The following AFF3 variants were observed in gnomAD, a reference collection of about 807,000 sequenced individuals.
AFF3 encodes ALF transcription elongation factor 3.
A neutral mutation model predicts 129.7 loss-of-function variants in AFF3; 32 were observed. The observed-to-expected ratio is 0.25, with a 90% CI of 0.19 to 0.33. AFF3 has a LOEUF of 0.33. Among genes scored for constraint, AFF3 ranks in the 10% least tolerant of loss-of-function variants. The pLI is 1.00. For missense variants in AFF3, 1,373 were observed against 1,592.0 expected, an observed-to-expected ratio of 0.86 and a Z score of 2.34; for synonymous variants, 644 against 635.4, an observed-to-expected ratio of 1.01 and a Z score of -0.20.
intron 7 of AFF3, among the ~76,000 whole-genome samples, chr2:99,975,664 T>G (rs879317381): frequency 6.6e-6 from 1 of 151,736 alleles, no homozygotes; most frequent in African/African-American, 2.4e-5. Context: ...GCTCAGCAGC[T>G]GAGATGGGGT....
At chr2:99,707,057 A>G (rs947940353) in intron 11 of AFF3, 1 of 972,352 alleles carries the variant, frequency 1.0e-6, no homozygotes, top group Non-Finnish European at 1.2e-6. Context: ...TAATCATCCT[A>G]CTTTTGAAAT....
chr2:99,704,601 C>T (rs935878491), intron 11 of AFF3, among the ~76,000 whole-genome samples: 1 of 152,114 alleles, frequency 6.6e-6, no homozygotes, highest in African/African-American at 2.4e-5. Context: ...ATAGCAGTGC[C>T]GTGAAAACTA....
At chr2:100,104,799 G>GCCGCCGCCA in intron 3 of AFF3, 1 of 234,908 alleles carries the variant, frequency 4.3e-6, no homozygotes, top group Non-Finnish European at 5.5e-6. Flanking sequence ...CGCTGCTGCA[G>GCCGCCGCCA]CCGCCGCCGC....
chr2:99,764,270 T>A (rs184983621), intron 8 of AFF3, among the ~76,000 whole-genome samples: 11 of 152,216 alleles, frequency 7.2e-5, no homozygotes, highest in Non-Finnish European at 1.6e-4. Context: ...AGACCCTACC[T>A]TTCACCTCCT....
At chr2:99,762,678 A>C (rs1682714922) in intron 8 of AFF3, among the ~76,000 whole-genome samples, 1 of 152,216 alleles carries the variant, frequency 6.6e-6, no homozygotes, top group Non-Finnish European at 1.5e-5. Context: ...CACTGGTTTC[A>C]CCAAGCGTAT....
chr2:99,671,993 G>T (rs1687181364), intron 12 of AFF3, among the ~76,000 whole-genome samples: 1 of 152,114 alleles, frequency 6.6e-6, no homozygotes, highest in African/African-American at 2.4e-5. Context: ...TATCATTTAA[G>T]ACAAACAGCC....
At chr2:99,900,954 C>T (rs372367842) in intron 7 of AFF3, among the ~76,000 whole-genome samples, 3 of 152,182 alleles carry the variant, frequency 2.0e-5, no homozygotes, top group Non-Finnish European at 4.4e-5. Context: ...CCTAAAGAGC[C>T]GCAAGTGCAG....
intron 2 of AFF3, among the ~76,000 whole-genome samples, chr2:100,117,366 T>A (rs566226835): frequency 7.9e-5 from 12 of 152,230 alleles, no homozygotes; most frequent in African/African-American, 2.2e-4. Flanking sequence ...TTTATTCTAA[T>A]GTGTCTTCCA....
At chr2:99,791,514 C>T (rs145777152) in intron 8 of AFF3, among the ~76,000 whole-genome samples, 92 of 152,300 alleles carry the variant, frequency 6.0e-4, no homozygotes, top group African/African-American at 2.0e-3. Context: ...TTTTGATCTG[C>T]GGTTCATTTA....
At chr2:99,641,783 G>A (rs901507122) in intron 13 of AFF3, among the ~76,000 whole-genome samples, 8 of 152,100 alleles carry the variant, frequency 5.3e-5, no homozygotes, top group Admixed American at 5.2e-4. Context: ...CAAGAGAGTC[G>A]TCGCGAGGAC....
intron 12 of AFF3, among the ~76,000 whole-genome samples, chr2:99,664,305 T>C (rs1181520359): frequency 6.6e-6 from 1 of 152,254 alleles, no homozygotes; most frequent in Non-Finnish European, 1.5e-5. Context: ...ATTTCATTTA[T>C]GTTTGTAAAC....
At chr2:99,889,397 A>G (rs781240976) in intron 7 of AFF3, among the ~76,000 whole-genome samples, 14 of 152,230 alleles carry the variant, frequency 9.2e-5, no homozygotes, top group Non-Finnish European at 1.9e-4. Flanking sequence ...CATTTGAAAT[A>G]TATTTATTAG....
At chr2:100,053,035 A>G (rs888267503) in intron 4 of AFF3, among the ~76,000 whole-genome samples, 1 of 152,228 alleles carries the variant, frequency 6.6e-6, no homozygotes, top group Non-Finnish European at 1.5e-5. Context: ...ATTGATCCTG[A>G]GAGTTTACTC....
intron 4 of AFF3, among the ~76,000 whole-genome samples, chr2:100,031,450 A>T (rs1684484724): frequency 6.6e-6 from 1 of 152,300 alleles, no homozygotes; most frequent in Middle Eastern, 3.4e-3. Flanking sequence ...ATACATACAC[A>T]CAGAGAGATT....
At chr2:99,837,847 G>C (rs1204933899) in intron 7 of AFF3, among the ~76,000 whole-genome samples, 1 of 152,094 alleles carries the variant, frequency 6.6e-6, no homozygotes, top group East Asian at 1.9e-4. Flanking sequence ...CATCCACCTT[G>C]GGTGCCATTA....
In AFF3 at chr2:99,995,921, A is replaced by G. The variant is rs537384366; in HGVS notation, c.873+10711T>C. On this transcript the variant is annotated intron_variant, in intron 7 of 24. Coordinates refer to ENST00000672756, the MANE Select transcript of AFF3 (RefSeq NM_001386135.1). ...AACAGAAAAATGGGTAAAGGATATG[A>G]ACAAAAAATGCACAAAGGTTTATAT... is the stretch of plus-strand genomic sequence containing the variant. Among the ~76,000 whole-genome samples, 13 of 152,350 alleles carry G rather than the reference A, an allele frequency of 8.5e-5. No homozygotes were observed. In the East Asian group the frequency reaches 2.5e-3, roughly 29 times the overall value.
intron 12 of AFF3, among the ~76,000 whole-genome samples, chr2:99,660,113 A>G (rs1224720475): frequency 6.6e-6 from 1 of 152,192 alleles, no homozygotes; most frequent in Non-Finnish European, 1.5e-5. Context: ...TACATTCTGG[A>G]CCTTTAAAAA....
At chr2:99,990,279 C>A (rs1040106361) in intron 7 of AFF3, among the ~76,000 whole-genome samples, 4 of 152,154 alleles carry the variant, frequency 2.6e-5, no homozygotes, top group African/African-American at 9.7e-5. Flanking sequence ...TACTTACAAT[C>A]CTGCATTAAA....
At chr2:99,795,929 T>C (rs556089486) in intron 8 of AFF3, among the ~76,000 whole-genome samples, 4 of 152,226 alleles carry the variant, frequency 2.6e-5, no homozygotes, top group South Asian at 4.2e-4. Flanking sequence ...GAAATCTGTT[T>C]TAGAAAAATT....
Sources: gnomAD v4.1 joint callset for allele counts (sites outside exome capture counted in the v4.1 genomes callset) on GRCh38, gnomAD v4.1.1 for gene constraint, MANE v1.5 for transcripts, NCBI Gene and HGNC (gene_info 2026-07-23, HGNC 2026-07-21) for gene names.